The following SYT3 variants were observed in gnomAD, a reference collection of about 807,000 sequenced individuals.
SYT3 encodes the protein synaptotagmin 3, also known as synaptotagmin-3.
A neutral mutation model predicts 50.6 loss-of-function variants in SYT3; 25 were observed. The observed-to-expected ratio is 0.49, with a 90% CI of 0.36 to 0.69. SYT3 has a LOEUF of 0.69. Among genes scored for constraint, SYT3 ranks in the 30% least tolerant of loss-of-function variants. The pLI is 0.00. For missense variants in SYT3, 589 were observed against 793.6 expected (o/e 0.74, Z 3.10); for synonymous variants, 323 against 353.9 (o/e 0.91, Z 0.98).
chr19:50,631,907 G>A (rs1984319403), intron 4 of SYT3, among the ~76,000 whole-genome samples: 1 of 152,038 alleles, frequency 6.6e-6, no homozygotes, highest in African/African-American at 2.4e-5. Flanking sequence ...AATGAATGAA[G>A]GAACTCCAGG....
upstream of SYT3, among the ~76,000 whole-genome samples, chr19:50,641,830 A>G (rs1984688221): frequency 6.6e-6 from 1 of 152,184 alleles, no homozygotes; most frequent in African/African-American, 2.4e-5. Context: ...AGCCTGGGCG[A>G]CAGAGTGAGA....
Position 50,625,631 on chromosome 19 carries a change from G to A in SYT3, c.1403-67C>T, listed in dbSNP as rs1984024832. ...CAGACCTAGGGGTCCAGGACCCCAG[G>A]CCCCGAGCCCCTCCTCCCTCAGACC... is the stretch of plus-strand genomic sequence containing the variant. On this transcript the variant is annotated intron_variant, in intron 7 of 10. Coordinates refer to ENST00000600079, the MANE Select transcript of SYT3 (RefSeq NM_001160329.2). This position sits in a 1 kb window ranked among gnomAD's most constrained non-coding sequence, Gnocchi z 7.5. 1.3e-6 allele frequency: 2 copies of A among 1,486,984 alleles called. No individual in the cohort carries two copies. Among genetic ancestry groups the A allele is most frequent in the South Asian group, 2.8e-5 (2 of 71,482 alleles). The allele number at this position is 1,486,984 out of a possible 1,614,324, so 92.1% of individuals were successfully genotyped here.
At chr19:50,645,920 C>G in the SYT3 span, among the ~76,000 whole-genome samples, 880 of 151,744 alleles carry the variant, frequency 5.8e-3, 11 homozygotes, top group African/African-American at 0.02. Flanking sequence ...TGCAGACACA[C>G]AGAGAGAGAT....
the SYT3 span, among the ~76,000 whole-genome samples, chr19:50,644,957 G>A: frequency 2.0e-5 from 3 of 152,142 alleles, no homozygotes; most frequent in Non-Finnish European, 4.4e-5. Context: ...GGATGGATGG[G>A]TGACTGATTG....
the SYT3 span, chr19:50,649,522 G>C: frequency 6.5e-7 from 1 of 1,536,082 alleles, no homozygotes; most frequent in Non-Finnish European, 8.7e-7. Context: ...GTACTGAGCT[G>C]TGTCTTTGGG....
intron 3 of SYT3, among the ~76,000 whole-genome samples, chr19:50,635,303 G>A (rs1044803710): frequency 2.0e-5 from 3 of 152,124 alleles, no homozygotes; most frequent in African/African-American, 7.2e-5. Context: ...CCTGAACACA[G>A]GTTGAGTTGA....
intron 3 of SYT3, among the ~76,000 whole-genome samples, chr19:50,636,231 C>T (rs1167967680): frequency 6.6e-6 from 1 of 152,068 alleles, no homozygotes; most frequent in Non-Finnish European, 1.5e-5. Context: ...ACACTCCAGC[C>T]TGGGCAACAA....
the SYT3 span, among the ~76,000 whole-genome samples, chr19:50,647,654 G>A: frequency 4.6e-5 from 7 of 152,146 alleles, no homozygotes; most frequent in Non-Finnish European, 4.4e-5. Flanking sequence ...GGGACACAGT[G>A]AGACCCTGTC....
chr19:50,623,314 G>A lies in SYT3; in HGVS notation c.1708-559C>T, dbSNP rs534936833. Reference sequence around the variant, plus strand: ...TCCTATCCACCTTAGTAGAGTCCCCGTCTTTTCCAATCTCAAATCTGAGTT... The same window carrying A: ...TCCTATCCACCTTAGTAGAGTCCCCATCTTTTCCAATCTCAAATCTGAGTT... On this transcript the variant is annotated intron_variant, in intron 9 of 10. Coordinates refer to ENST00000600079, the MANE Select transcript of SYT3 (RefSeq NM_001160329.2). 4.6e-5 allele frequency among the ~76,000 whole-genome samples: 7 copies of A among 152,112 alleles called. No individual in the cohort carries two copies. In the East Asian group the frequency reaches 9.7e-4, roughly 21 times the overall value.
At chr19:50,653,787 G>A in the SYT3 span, among the ~76,000 whole-genome samples, 4 of 150,222 alleles carry the variant, frequency 2.7e-5, no homozygotes, top group Non-Finnish European at 5.9e-5. Flanking sequence ...TGTTAGAGCC[G>A]GGCTGTGTCA....
chr19:50,648,941 A>C, the SYT3 span, among the ~76,000 whole-genome samples: 1 of 151,536 alleles, frequency 6.6e-6, no homozygotes, highest in Non-Finnish European at 1.5e-5. Context: ...GAAGACAGAG[A>C]GAGGGTGACG....
chr19:50,632,187 C>A lies in SYT3; in HGVS notation c.674+99G>T. The A allele has an allele frequency of 7.6e-7, 1 of 1,311,116 alleles. No individual in the cohort carries two copies. Among genetic ancestry groups the A allele is most frequent in the Non-Finnish European group, 1.0e-6 (1 of 964,206 alleles). The allele number at this position is 1,311,116 out of a possible 1,614,324, so 81.2% of individuals were successfully genotyped here. On this transcript the variant is annotated intron_variant, in intron 4 of 10. Coordinates refer to ENST00000600079, the MANE Select transcript of SYT3 (RefSeq NM_001160329.2). This position sits in a 1 kb window ranked among gnomAD's most constrained non-coding sequence, Gnocchi z 4.7. ...GATCCAGGAGTCAATACCCCGATTC[C>A]CCTCCAAATCCCGAACTCATAAGAG...
At chr19:50,635,629 C>T (rs1489850807) in intron 3 of SYT3, among the ~76,000 whole-genome samples, 1 of 152,144 alleles carries the variant, frequency 6.6e-6, no homozygotes, top group Non-Finnish European at 1.5e-5. Context: ...TCTATGTTAA[C>T]ACTGTGATAT....
In SYT3 at chr19:50,638,775, A is replaced by AG. The variant is rs199676756; in HGVS notation, c.-16+249dup. Among the ~76,000 whole-genome samples the AG allele has an allele frequency of 9.6e-3, 1,457 of 151,684 alleles. 28 individuals are homozygous for AG. The highest frequency in any genetic ancestry group is 0.033 in the African/African-American group (1,376 of 41,220). On this transcript the variant is annotated intron_variant, in intron 2 of 10. Coordinates refer to ENST00000600079, the MANE Select transcript of SYT3 (RefSeq NM_001160329.2). ...TCGCAGATAGACAAAAGGAGACAGG[A>AG]GGGCTGGGCAGACAGACATGGGTTC...
intron 6 of SYT3, 94 bp from the exon 7 acceptor site, chr19:50,626,111 C>G (rs1372011895): frequency 4.7e-6 from 7 of 1,491,430 alleles, no homozygotes; most frequent in Non-Finnish European, 6.3e-6. Flanking sequence ...GCTTTACACC[C>G]TGACATCCAG....
the SYT3 span, among the ~76,000 whole-genome samples, chr19:50,653,682 GCACACACACACACACACACA>G: frequency 0.025 from 3,016 of 121,918 alleles, 110 homozygotes; most frequent in African/African-American, 0.076. Flanking sequence ...ATGAGAGACA[GCACACACACACACACACACA>G]CACACACACA....
At chr19:50,643,646 A>G (rs1984714428), upstream of SYT3, among the ~76,000 whole-genome samples, 1 of 152,094 alleles carries the variant, frequency 6.6e-6, no homozygotes, top group Non-Finnish European at 1.5e-5. Context: ...TTCCATATTC[A>G]TTCAACTCGA....
At position 50,632,374 on chromosome 19, in the gene SYT3, A is replaced by G. The variant is rs757271846; in HGVS notation, c.586T>C (p.Ser196Pro). Reference sequence around the variant, plus strand: ...CTGGGGGGCAGCAGGAGCAACCCAGAGCCTGCTCCCCCCTCAGAGGGCAGC... The same window carrying G: ...CTGGGGGGCAGCAGGAGCAACCCAGGGCCTGCTCCCCCCTCAGAGGGCAGC... The part of the protein sequence containing the change: ...PELPSEGGAG[S>P]GLLLLPPSGG... Residue 196 changes from serine to proline, a missense_variant, in exon 4 of 11, where the codon TCT becomes CCT. Ser to Pro is a moderately conservative substitution (Grantham distance 74). Around this residue, in one of 2 missense-constraint regions of SYT3, gnomAD observed 316 missense variants for 354.3 expected, o/e 0.89. Transcript: ENST00000600079. This position sits in a 1 kb window ranked among gnomAD's most constrained non-coding sequence, Gnocchi z 4.7. The G allele has an allele frequency of 3.1e-6, 5 of 1,612,754 alleles. No homozygotes were observed. The highest frequency in any genetic ancestry group is 2.2e-5 in the East Asian group (1 of 44,836).
chr19:50,652,674 T>A, the SYT3 span, among the ~76,000 whole-genome samples: 1 of 152,160 alleles, frequency 6.6e-6, no homozygotes. Context: ...CGTGTGGTCT[T>A]ATGGTCACTG....
Sources: gnomAD v4.1 joint callset for allele counts (sites outside exome capture counted in the v4.1 genomes callset) on GRCh38, gnomAD v4.1.1 for gene constraint, gnomAD v4.1.1 regional missense constraint, Gnocchi (gnomAD v3.1) non-coding constraint, MANE v1.5 for transcripts, NCBI Gene and HGNC (gene_info 2026-07-23, HGNC 2026-07-21) for gene names.